The following ATRX variants were observed in gnomAD, a reference collection of about 807,000 sequenced individuals.
The protein encoded by ATRX is ATRX chromatin remodeler, also known as chromatin remodeler ATRX.
A neutral mutation model predicts 172.6 loss-of-function variants in ATRX; 12 were observed. The observed-to-expected ratio is 0.07, with a 90% CI of 0.04 to 0.11. ATRX has a LOEUF of 0.11. ATRX is among the 10% of genes least tolerant of loss of function. ATRX has a pLI of 1.00. For synonymous variants in ATRX, 674 were observed against 594.7 expected (o/e 1.13, Z -1.94); for missense variants, 1,368 against 1,767.4 (o/e 0.77, Z 4.05).
intron 6 of ATRX, chrX:77,691,079 T>C (rs2071858435): frequency 8.9e-6 from 1 of 112,655 alleles, no homozygotes; most frequent in African/African-American, 3.2e-5. Context: ...AAAACAATGT[T>C]AAATGAAAAA....
intron 27 of ATRX, among the ~76,000 whole-genome samples, chrX:77,580,749 A>G (rs2065798187): frequency 8.9e-6 from 1 of 111,964 alleles, no homozygotes; most frequent in African/African-American, 3.2e-5. Context: ...CAGTAAGTAC[A>G]TAGAAAAATA....
chrX:77,637,711 G>T (rs1557108982), intron 15 of ATRX, among the ~76,000 whole-genome samples: 1 of 109,959 alleles, frequency 9.1e-6, no homozygotes, highest in East Asian at 2.8e-4. Flanking sequence ...GTAGGCTGAG[G>T]GGGATGGATC....
At chrX:77,697,906 G>C (rs1371679585) in intron 3 of ATRX, among the ~76,000 whole-genome samples, 1 of 111,673 alleles carries the variant, frequency 9.0e-6, no homozygotes, top group Non-Finnish European at 1.9e-5. Flanking sequence ...GGTTGCTGTG[G>C]CATGCTGCGG....
At chrX:77,558,932 T>C in intron 28 of ATRX, 86 bp from the exon 29 acceptor site, 1 of 777,993 alleles carries the variant, frequency 1.3e-6, no homozygotes, top group South Asian at 2.5e-5. Flanking sequence ...GATACTTAGT[T>C]TTTTTTTAAC....
At chrX:77,527,033 C>T (rs1008835272) in intron 30 of ATRX, among the ~76,000 whole-genome samples, 3 of 112,565 alleles carry the variant, frequency 2.7e-5, no homozygotes, top group Admixed American at 9.3e-5. Flanking sequence ...TAAAACATTA[C>T]CTCCATCCTG....
intron 30 of ATRX, among the ~76,000 whole-genome samples, chrX:77,541,812 G>A (rs990296535): frequency 9.0e-6 from 1 of 111,487 alleles, no homozygotes. Flanking sequence ...CTGATGGAAC[G>A]TATCTCAAAA....
At chrX:77,607,155 A>C (rs182632613) in intron 22 of ATRX, among the ~76,000 whole-genome samples, 1 of 111,966 alleles carries the variant, frequency 8.9e-6, no homozygotes, top group East Asian at 2.8e-4. Context: ...GAAGATAAAG[A>C]AATAAAGCGC....
chrX:77,532,056 C>A (rs2063594495), intron 30 of ATRX, among the ~76,000 whole-genome samples: 1 of 110,958 alleles, frequency 9.0e-6, no homozygotes, highest in East Asian at 2.8e-4. Flanking sequence ...AATAAAATAC[C>A]TAGGAATACA....
rs1360271336 is a variant in ATRX at position 77,551,551 on chromosome X, G to A, written c.6699+5900C>T. Among the ~76,000 whole-genome samples the A allele has an allele frequency of 2.7e-5, 3 of 111,985 alleles. No individual in the cohort carries two copies. In the Admixed American group the frequency reaches 2.9e-4, roughly 11 times the overall value. The stretch of plus-strand genomic sequence containing the variant: ...CCTAGGCAATACCATTCAGGAAATA[G>A]GCATGGGCAAGGACTTCATGTCTAA... On this transcript the variant is annotated intron_variant, in intron 30 of 34. Coordinates refer to ENST00000373344, the MANE Select transcript of ATRX (RefSeq NM_000489.6).
chrX:77,510,018 G>A (rs1352005571), intron 34 of ATRX, among the ~76,000 whole-genome samples: 8 of 110,444 alleles, frequency 7.2e-5, no homozygotes, highest in Non-Finnish European at 1.3e-4. Flanking sequence ...AGCTCCAGGA[G>A]AGACTCTTTC....
intron 1 of ATRX, among the ~76,000 whole-genome samples, chrX:77,779,798 C>T (rs782344198): frequency 1.8e-5 from 2 of 111,836 alleles, no homozygotes; most frequent in Non-Finnish European, 3.8e-5. Context: ...ATACTACTGC[C>T]AGAACAATAA....
At chrX:77,676,860 G>A (rs1419096110) in intron 9 of ATRX, among the ~76,000 whole-genome samples, 2 of 112,023 alleles carry the variant, frequency 1.8e-5, no homozygotes, top group Non-Finnish European at 3.8e-5. Context: ...GGTGGCGCAC[G>A]CCTGTAATCC....
intron 2 of ATRX, among the ~76,000 whole-genome samples, chrX:77,712,658 G>A (rs376483335): frequency 4.7e-4 from 52 of 109,561 alleles, no homozygotes; most frequent in Admixed American, 4.2e-3. Flanking sequence ...GCAAAACGCC[G>A]TCTCCACTAA....
chrX:77,659,329 T>G (rs1001063695), intron 12 of ATRX, among the ~76,000 whole-genome samples: 7 of 111,220 alleles, frequency 6.3e-5, no homozygotes, highest in African/African-American at 2.3e-4. Flanking sequence ...TAAGTATAAT[T>G]TTAAGCCTAG....
chrX:77,684,163 T>C lies in ATRX; in HGVS notation c.1093A>G (p.Asn365Asp). 1.7e-6 allele frequency: 2 copies of C among 1,209,793 alleles called. No individual in the cohort carries two copies. Among genetic ancestry groups the C allele is most frequent in the Non-Finnish European group, 2.2e-6 (2 of 894,612 alleles). ...AATTTAACATAACTGGAGTTCATGT[T>C]GGCTGTGGTCTCAATCAGTTTTTTT... ...KAKKLIETTA[N>D]MNSSYVKFLK... Residue 365 changes from asparagine to aspartate, a missense_variant, in exon 9 of 35, where the codon AAC becomes GAC. By Grantham distance (23) the Asn-to-Asp change is conservative. This residue lies in a region of ATRX where 843 missense variants were observed against 643.1 expected (regional missense o/e 1.31). Coordinates refer to ENST00000373344, the MANE Select transcript of ATRX (RefSeq NM_000489.6).
intron 30 of ATRX, among the ~76,000 whole-genome samples, chrX:77,552,551 C>T (rs995647904): frequency 1.8e-5 from 2 of 109,346 alleles, no homozygotes; most frequent in East Asian, 2.9e-4. Context: ...ACATGGCACA[C>T]GTATACATAT....
Position 77,676,277 on chromosome X carries a change from G to T in ATRX, c.3758C>A (p.Ser1253Ter). ...QSSGDEALSK[S>*]VPVTVDDDDD... ...ATCATCATCCACTGTGACAGGCACT[G>T]ATTTAGATAAGGCTTCATCTCCTTG... The change falls in exon 10 of 35, where the codon TCA becomes TAA. Residue 1253 changes from serine (S) to a stop codon, truncating the protein, a stop_gained. Transcript: ENST00000373344. LOFTEE classifies it high-confidence loss of function. 8.3e-7 allele frequency: 1 copy of T among 1,206,580 alleles called. No homozygotes were observed. The highest frequency in any genetic ancestry group is 1.8e-5 in the South Asian group (1 of 56,829).
chrX:77,621,868 A>AC (rs1396541471), intron 19 of ATRX, among the ~76,000 whole-genome samples: 10 of 109,595 alleles, frequency 9.1e-5, no homozygotes, highest in African/African-American at 3.1e-4. Context: ...AACAACAACA[A>AC]AAAAAAACTA....
intron 22 of ATRX, among the ~76,000 whole-genome samples, chrX:77,610,439 A>T (rs1167194229): frequency 8.9e-6 from 1 of 111,978 alleles, no homozygotes; most frequent in Non-Finnish European, 1.9e-5. Flanking sequence ...CAGCAGAGTT[A>T]AAATGATCAG....
Sources: allele counts gnomAD v4.1 joint callset (sites outside exome capture counted in the v4.1 genomes callset), GRCh38; gene constraint gnomAD v4.1.1; regional missense constraint gnomAD v4.1.1; transcripts MANE v1.5; gene names NCBI Gene and HGNC (gene_info 2026-07-23, HGNC 2026-07-21).